LYPD6B: variants seen among roughly 807,000 people sequenced by gnomAD.
The protein encoded by LYPD6B is ly6/PLAUR domain-containing protein 6B.
LYPD6B carries 17 observed loss-of-function variants against 22.8 expected under a neutral mutation model. That is an observed-to-expected ratio of 0.75 (90% CI 0.51 to 1.12). LYPD6B has a LOEUF of 1.12. Among genes scored for constraint, LYPD6B ranks in the 50% most tolerant of loss-of-function variants. The pLI is 0.00. For missense variants in LYPD6B, 221 were observed against 258.3 expected (o/e 0.86, Z 0.99); for synonymous variants, 106 against 91.6 (o/e 1.16, Z -0.90).
intron 3 of LYPD6B, among the ~76,000 whole-genome samples, chr2:149,183,558 A>C (rs1458467203): frequency 6.6e-6 from 1 of 152,186 alleles, no homozygotes; most frequent in East Asian, 1.9e-4. Context: ...CAGCATAAAT[A>C]ATATGCTTCC....
intron 1 of LYPD6B, among the ~76,000 whole-genome samples, chr2:149,093,126 T>C (rs903379956): frequency 1.3e-5 from 2 of 151,868 alleles, no homozygotes; most frequent in Non-Finnish European, 2.9e-5. Context: ...AGTGGAAAGG[T>C]TTGGAGGGCA....
chr2:149,101,572 G>C (rs936314654), intron 1 of LYPD6B: 25 of 152,478 alleles, frequency 1.6e-4, no homozygotes, highest in African/African-American at 5.8e-4. Flanking sequence ...CTCATGTGCT[G>C]TCTGGCAGAA....
chr2:149,078,122 A>T (rs1366567561), intron 1 of LYPD6B, among the ~76,000 whole-genome samples: 1 of 152,164 alleles, frequency 6.6e-6, no homozygotes, highest in African/African-American at 2.4e-5. Context: ...GCCAGGGGTC[A>T]CAGTGCCACA....
chr2:149,170,018 A>T (rs560935619), intron 3 of LYPD6B, among the ~76,000 whole-genome samples: 32 of 152,322 alleles, frequency 2.1e-4, no homozygotes, highest in African/African-American at 7.0e-4. Context: ...TGCCTTGGAC[A>T]TGGAAGCTGT....
intron 5 of LYPD6B, among the ~76,000 whole-genome samples, chr2:149,212,380 C>CAAAAAAAAAAAAAAAAAAAAAA (rs386391473): frequency 5.0e-5 from 3 of 60,130 alleles, no homozygotes; most frequent in African/African-American, 2.3e-4. Flanking sequence ...GACTCCGTCT[C>CAAAAAAAAAAAAAAAAAAAAAA]AAAAAAAAAA....
At position 149,067,888 on chromosome 2, in the gene LYPD6B, A is replaced by T. The variant is rs1051439738; in HGVS notation, c.-67+29087A>T. ...GAATCTTCTTTGACCAAAACTTTCTAGAGGGTAGAAAAGCTTTTGCTTTGG... is the reference window on the plus strand; with the variant it reads ...GAATCTTCTTTGACCAAAACTTTCTTGAGGGTAGAAAAGCTTTTGCTTTGG... On this transcript the variant is annotated intron_variant, in intron 1 of 6. Transcript: ENST00000409642. 2.0e-5 allele frequency among the ~76,000 whole-genome samples: 3 copies of T among 152,292 alleles called. No individual in the cohort carries two copies. In the East Asian group the frequency reaches 5.8e-4, roughly 29 times the overall value.
rs1466109736 is a variant in LYPD6B, at chr2:149,106,808, T to G, written c.-66-24075T>G. Among the ~76,000 whole-genome samples the G allele has an allele frequency of 4.6e-5, 7 of 152,164 alleles. No individual in the cohort carries two copies. The East Asian group carries it at 1.3e-3, about 29-fold the overall frequency. On this transcript the variant is annotated intron_variant, in intron 1 of 6. Coordinates refer to ENST00000409642, the MANE Select transcript of LYPD6B (RefSeq NM_177964.5). The stretch of plus-strand genomic sequence containing the variant: ...TCTGCTTTGTCCTTTTTAATTTCGT[T>G]TCTTCTGCCTATTTTGGGGGCTAAT...
chr2:149,047,640 C>G (rs1683371810), intron 1 of LYPD6B, among the ~76,000 whole-genome samples: 2 of 151,956 alleles, frequency 1.3e-5, no homozygotes, highest in South Asian at 4.2e-4. Flanking sequence ...TCTTGAGCTC[C>G]TTGGATCTGT....
chr2:149,144,975 C>A (rs1313128250), intron 2 of LYPD6B, among the ~76,000 whole-genome samples: 1 of 152,096 alleles, frequency 6.6e-6, no homozygotes, highest in South Asian at 2.1e-4. Flanking sequence ...ATGAAATCTA[C>A]GGATGGGGCT....
At chr2:149,110,596 A>G (rs1202314525) in intron 1 of LYPD6B, among the ~76,000 whole-genome samples, 2 of 152,294 alleles carry the variant, frequency 1.3e-5, no homozygotes, top group Non-Finnish European at 1.5e-5. Context: ...CATAAGACCT[A>G]TGAGTTATGA....
At chr2:149,191,206 A>G (rs1224345761) in intron 3 of LYPD6B, among the ~76,000 whole-genome samples, 1 of 152,190 alleles carries the variant, frequency 6.6e-6, no homozygotes, top group South Asian at 2.1e-4. Flanking sequence ...GTGCATCTCT[A>G]TATGTAGCAA....
At chr2:149,046,060 G>A (rs1341405317) in intron 1 of LYPD6B, among the ~76,000 whole-genome samples, 1 of 151,920 alleles carries the variant, frequency 6.6e-6, no homozygotes, top group African/African-American at 2.4e-5. Context: ...CATGTATTTT[G>A]ACTCTATGTT....
At chr2:149,062,860 C>CTTTTTTTTTTTTTTTTTTTTTTTTT (rs5835285) in intron 1 of LYPD6B, among the ~76,000 whole-genome samples, 1 of 93,560 alleles carries the variant, frequency 1.1e-5, no homozygotes, top group Non-Finnish European at 2.1e-5. Flanking sequence ...GATACATGTT[C>CTTTTTTTTTTTTTTTTTTTTTTTTT]TTTTTTTTTT....
At chr2:149,044,183 A>G (rs1165924130) in intron 1 of LYPD6B, among the ~76,000 whole-genome samples, 2 of 152,058 alleles carry the variant, frequency 1.3e-5, no homozygotes, top group African/African-American at 4.8e-5. Flanking sequence ...AGGATTTTGA[A>G]TGGAATTGTA....
chr2:149,109,365 C>T (rs1476108061), intron 1 of LYPD6B, among the ~76,000 whole-genome samples: 3 of 152,048 alleles, frequency 2.0e-5, no homozygotes, highest in African/African-American at 7.2e-5. Flanking sequence ...TGCATTGTTT[C>T]TGATAAGAAA....
intron 1 of LYPD6B, among the ~76,000 whole-genome samples, chr2:149,056,315 C>T (rs986166838): frequency 6.6e-6 from 1 of 152,108 alleles, no homozygotes; most frequent in Admixed American, 6.5e-5. Context: ...AGGCCATGTC[C>T]CCAGGGTGCT....
chr2:149,125,947 T>G (rs1238059716), intron 1 of LYPD6B, among the ~76,000 whole-genome samples: 3 of 152,190 alleles, frequency 2.0e-5, no homozygotes, highest in African/African-American at 4.8e-5. Flanking sequence ...CTTAAAAAAT[T>G]TCCTCATTGG....
intron 2 of LYPD6B, among the ~76,000 whole-genome samples, chr2:149,159,246 C>A (rs780360319): frequency 1.3e-5 from 2 of 151,818 alleles, no homozygotes; most frequent in African/African-American, 2.4e-5. Flanking sequence ...GGAAGGTTAA[C>A]ACCTTGGAAG....
chr2:149,124,982 CT>C (rs1386130863), intron 1 of LYPD6B, among the ~76,000 whole-genome samples: 1 of 152,186 alleles, frequency 6.6e-6, no homozygotes, highest in African/African-American at 2.4e-5. Context: ...ACAAAGAAGC[CT>C]TTGAAGGATG....
Sources: gnomAD v4.1 joint callset for allele counts (sites outside exome capture counted in the v4.1 genomes callset) on GRCh38, gnomAD v4.1.1 for gene constraint, MANE v1.5 for transcripts, NCBI Gene and HGNC (gene_info 2026-07-23, HGNC 2026-07-21) for gene names.